The following PCLO variants were observed in gnomAD, a reference collection of about 807,000 sequenced individuals.
PCLO encodes protein piccolo.
Under a neutral mutation model 427.5 loss-of-function variants are expected in PCLO, and 82 were observed. The observed-to-expected ratio is 0.19, with a 90% CI of 0.16 to 0.23. The LOEUF (loss-of-function observed/expected upper bound fraction) is 0.23. Among genes scored for constraint, PCLO ranks in the 10% least tolerant of loss-of-function variants. The probability of loss-of-function intolerance (pLI) is 1.00; values close to 1 mark genes in which losing one functional copy is unlikely to be tolerated. For synonymous variants in PCLO, 2,357 were observed against 2,155.4 expected, an observed-to-expected ratio of 1.09 and a Z score of -2.59; for missense variants, 6,239 against 6,115.9, an observed-to-expected ratio of 1.02 and a Z score of -0.67.
chr7:83,162,379 G>A lies in PCLO; in HGVS notation c.214C>T (p.Pro72Ser), dbSNP rs1792463803. The A allele has an allele frequency of 1.1e-5, 18 of 1,600,548 alleles. No homozygotes were observed. The highest frequency in any genetic ancestry group is 1.5e-5 in the Non-Finnish European group (18 of 1,173,502). ...GAAGGCGACTCCGCAGCGGCCGGGG[G>A]GACGCTTCCCTTGGGCAGCCCCTGC... ...RAQGLPKGSV[P>S]PAAAESPSMH... Residue 72 changes from proline to serine, a missense_variant, in exon 1 of 25, where the codon CCC becomes TCC. Pro to Ser is a moderately conservative substitution (Grantham distance 74). Around this residue, in one of 5 missense-constraint regions of PCLO, gnomAD observed 4,677 missense variants for 4,468.4 expected, o/e 1.05. Coordinates refer to ENST00000333891, the MANE Select transcript of PCLO (RefSeq NM_033026.6).
At chr7:82,840,795 G>T (rs1267735586) in intron 14 of PCLO, among the ~76,000 whole-genome samples, 7 of 151,860 alleles carry the variant, frequency 4.6e-5, no homozygotes, top group Non-Finnish European at 1.0e-4. Context: ...ATTTTATAGT[G>T]TTAATTCTTT....
rs563271347 is a variant in PCLO, at chr7:82,809,384, C to A, written c.14792-3555G>T. ...AAGCTCTCTTTTATCCCATCACTTT[C>A]TTGTATCTAAATTAAAGTTATCTGT... On this transcript the variant is annotated intron_variant, in intron 20 of 24. Coordinates refer to ENST00000333891, the MANE Select transcript of PCLO (RefSeq NM_033026.6). 1.3e-3 allele frequency among the ~76,000 whole-genome samples: 199 copies of A among 151,784 alleles called. 2 individuals are homozygous for A. The highest frequency in any genetic ancestry group is 4.7e-3 in the African/African-American group (197 of 41,510).
At chr7:82,829,366 G>A (rs1344343905) in intron 16 of PCLO, among the ~76,000 whole-genome samples, 1 of 152,112 alleles carries the variant, frequency 6.6e-6, no homozygotes, top group Non-Finnish European at 1.5e-5. Context: ...TCTGGGATGA[G>A]GCTTGAGTAT....
At chr7:83,016,842 A>G (rs1268470143) in intron 3 of PCLO, among the ~76,000 whole-genome samples, 3 of 152,166 alleles carry the variant, frequency 2.0e-5, no homozygotes, top group Non-Finnish European at 2.9e-5. Context: ...AAAACTTTAC[A>G]TATCAACTGT....
Position 82,916,267 on chromosome 7 carries a change from A to G in PCLO, c.11719T>C (p.Ser3907Pro), listed in dbSNP as rs371134285. ...TACAAAGTTTGTTGCTCAAAATGAG[A>G]CTGTTGAGTGTATGAGGTGGGTGCT... Reference protein sequence around the residue: ...TQAPTSYTQQSHFEQQTLYHQ... With the variant: ...TQAPTSYTQQPHFEQQTLYHQ... Residue 3907 changes from serine to proline, a missense_variant, in exon 7 of 25, where the codon TCT becomes CCT. Transcript: ENST00000333891. 1.1e-4 allele frequency: 174 copies of G among 1,613,502 alleles called. No homozygotes were observed. The highest frequency in any genetic ancestry group is 1.4e-4 in the Non-Finnish European group (162 of 1,179,698).
chr7:83,090,801 C>T (rs1003480947), intron 3 of PCLO, among the ~76,000 whole-genome samples: 32 of 152,086 alleles, frequency 2.1e-4, no homozygotes, highest in African/African-American at 7.5e-4. Flanking sequence ...AGTAAAATTC[C>T]ATTTTACAAT....
chr7:82,951,428 A>T lies in PCLO; in HGVS notation c.9160T>A (p.Ser3054Thr), dbSNP rs1171360594. Residue 3054 changes from serine to threonine, a missense_variant, in exon 6 of 25, where the codon TCA (serine) becomes ACA (threonine). This residue lies in a region of PCLO where 4,677 missense variants were observed against 4,468.4 expected (regional missense o/e 1.05). Transcript: ENST00000333891. ...GPYPETRQVI[S>T]GAGISTPQYS... ...TGTGGGGTACTAATCCCAGCTCCTG[A>T]AATGACTTGTCGTGTTTCTGGATAT... The T allele has an allele frequency of 6.3e-7, 1 of 1,594,508 alleles. No homozygotes were observed. The highest frequency in any genetic ancestry group is 8.5e-7 in the Non-Finnish European group (1 of 1,169,640).
intron 3 of PCLO, among the ~76,000 whole-genome samples, chr7:83,132,645 T>C (rs1791603275): frequency 6.6e-6 from 1 of 152,094 alleles, no homozygotes; most frequent in Non-Finnish European, 1.5e-5. Flanking sequence ...CACATATATG[T>C]AAAATTTTAA....
At chr7:82,801,291 A>AT (rs1791345349) in intron 22 of PCLO, among the ~76,000 whole-genome samples, 1 of 150,586 alleles carries the variant, frequency 6.6e-6, no homozygotes, top group Non-Finnish European at 1.5e-5. Flanking sequence ...TTCTCTTTTA[A>AT]TTTTTCAGTA....
chr7:82,918,783 TTTAA>T, intron 6 of PCLO, among the ~76,000 whole-genome samples: 1 of 152,186 alleles, frequency 6.6e-6, no homozygotes, highest in South Asian at 2.1e-4. Context: ...CAAAAGGGTG[TTTAA>T]TTGTGTTACT....
chr7:83,030,945 T>C (rs1490297034), intron 3 of PCLO, among the ~76,000 whole-genome samples: 2 of 152,208 alleles, frequency 1.3e-5, no homozygotes, highest in African/African-American at 4.8e-5. Context: ...GATATTTTGA[T>C]AAATATCAAT....
intron 3 of PCLO, among the ~76,000 whole-genome samples, chr7:83,039,929 A>G (rs1788930212): frequency 6.6e-6 from 1 of 152,110 alleles, no homozygotes; most frequent in African/African-American, 2.4e-5. Context: ...TTGTGATGCT[A>G]TTATAAGTAG....
In PCLO at chr7:83,039,932, A is replaced by G. The variant is rs532114322; in HGVS notation, c.3301-73445T>C. 4.6e-5 allele frequency among the ~76,000 whole-genome samples: 7 copies of G among 152,280 alleles called. No individual in the cohort carries two copies. The East Asian group carries it at 9.6e-4, about 21-fold the overall frequency. On this transcript the variant is annotated intron_variant, in intron 3 of 24. Coordinates refer to ENST00000333891, the MANE Select transcript of PCLO (RefSeq NM_033026.6). ...GTATTTTGTACTTTGTGATGCTATT[A>G]TAAGTAGAATTGTTTTAATTTCCTT...
chr7:83,075,687 A>T (rs1273310389), intron 3 of PCLO, among the ~76,000 whole-genome samples: 1 of 152,172 alleles, frequency 6.6e-6, no homozygotes, highest in African/African-American at 2.4e-5. Context: ...CTGTGTAATG[A>T]CAAGTTAAAA....
Position 82,951,146 on chromosome 7 carries a change from C to T in PCLO, c.9442G>A (p.Gly3148Ser). Residue 3148 changes from glycine (G) to serine (S), a missense_variant, in exon 6 of 25, where the codon GGT becomes AGT. Around this residue, in one of 5 missense-constraint regions of PCLO, gnomAD observed 4,677 missense variants for 4,468.4 expected, o/e 1.05. Transcript: ENST00000333891. ...ACTGCAATGTCCGTTTCAGATGCACCTGTTGTTATAAAATATGATCTAGGC... is the reference window on the plus strand; with the variant it reads ...ACTGCAATGTCCGTTTCAGATGCACTTGTTGTTATAAAATATGATCTAGGC... ...PMPRSYFITT[G>S]ASETDIAVTG... 1 of 1,613,678 alleles carries T rather than the reference C, an allele frequency of 6.2e-7. No individual in the cohort carries two copies. The highest frequency in any genetic ancestry group is 1.1e-5 in the South Asian group (1 of 91,060).
At chr7:82,759,722 C>A (rs1235583877) in intron 24 of PCLO, among the ~76,000 whole-genome samples, 1 of 151,904 alleles carries the variant, frequency 6.6e-6, no homozygotes, top group Non-Finnish European at 1.5e-5. Context: ...GTACCATGGT[C>A]TCTTCCTATA....
chr7:83,051,667 T>A (rs1789257796), intron 3 of PCLO, among the ~76,000 whole-genome samples: 1 of 152,124 alleles, frequency 6.6e-6, no homozygotes, highest in East Asian at 1.9e-4. Context: ...CCAATCAAAA[T>A]CCCAGAAAGT....
chr7:82,954,597 G>C lies in PCLO; in HGVS notation c.6356C>G (p.Ser2119Trp), dbSNP rs760096079. ...SVLSGASLTDSTSSATLSIPD... is the reference protein window; with the variant it reads ...SVLSGASLTDWTSSATLSIPD... ...GATAGAGAGTGTTGCACTGCTGGTC[G>C]AATCTGTAAGAGACGCTCCTGAGAG... The change falls in exon 5 of 25, where the codon TCG becomes TGG. Residue 2119 changes from serine to tryptophan, a missense_variant. Transcript: ENST00000333891. 5.0e-6 allele frequency: 8 copies of C among 1,613,918 alleles called. No individual in the cohort carries two copies. The highest frequency in any genetic ancestry group is 6.8e-6 in the Non-Finnish European group (8 of 1,179,856).
At chr7:82,817,453 C>A (rs1791700289) in intron 20 of PCLO, among the ~76,000 whole-genome samples, 2 of 151,998 alleles carry the variant, frequency 1.3e-5, no homozygotes, top group African/African-American at 4.8e-5. Flanking sequence ...TGCTTCTGGT[C>A]AAAAGAAAAT....
Sources: allele counts gnomAD v4.1 joint callset (sites outside exome capture counted in the v4.1 genomes callset), GRCh38; gene constraint gnomAD v4.1.1; regional missense constraint gnomAD v4.1.1; transcripts MANE v1.5; gene names NCBI Gene and HGNC (gene_info 2026-07-23, HGNC 2026-07-21).